Variants in KDM4C observed in about 807,000 individuals in gnomAD.
KDM4C encodes lysine-specific demethylase 4C.
KDM4C carries 81 observed loss-of-function variants against 129.3 expected under a neutral mutation model. The observed-to-expected ratio is 0.63, with a 90% CI of 0.52 to 0.75. The LOEUF is 0.75. Ranked by LOEUF, KDM4C falls within the 30% of genes least tolerant of loss-of-function variation. The pLI, the probability that KDM4C is intolerant of heterozygous loss-of-function variation, is 0.00. For synonymous variants in KDM4C, 573 were observed against 456.1 expected (o/e 1.26, Z -3.26); for missense variants, 1,457 against 1,304.0 (o/e 1.12, Z -1.81).
intron 2 of KDM4C, among the ~76,000 whole-genome samples, chr9:6,795,134 C>G (rs1423323520): frequency 2.0e-5 from 3 of 152,122 alleles, no homozygotes; most frequent in South Asian, 4.1e-4. Context: ...GTAAAGGGTT[C>G]TCCTTGAAAT....
chr9:7,054,670 A>T (rs1830632904), intron 17 of KDM4C, among the ~76,000 whole-genome samples: 1 of 152,182 alleles, frequency 6.6e-6, no homozygotes, highest in Non-Finnish European at 1.5e-5. Context: ...AGAAGTATGG[A>T]TTTCTGGTAG....
At chr9:7,099,940 T>C (rs1027943899) in intron 17 of KDM4C, among the ~76,000 whole-genome samples, 1 of 152,028 alleles carries the variant, frequency 6.6e-6, no homozygotes, top group Non-Finnish European at 1.5e-5. Context: ...TTAATATATA[T>C]TTTTATACAG....
intron 1 of KDM4C, among the ~76,000 whole-genome samples, chr9:6,765,040 C>T (rs974805511): frequency 9.9e-5 from 15 of 152,242 alleles, no homozygotes; most frequent in African/African-American, 2.6e-4. Context: ...GGGATCAATC[C>T]GCTTGTCTCC....
At chr9:7,121,674 A>G (rs1437774179) in intron 18 of KDM4C, among the ~76,000 whole-genome samples, 1 of 152,146 alleles carries the variant, frequency 6.6e-6, no homozygotes, top group African/African-American at 2.4e-5. Context: ...CTGCATTTTT[A>G]TCACCAGACA....
chr9:6,930,774 T>C (rs60173310), intron 8 of KDM4C, among the ~76,000 whole-genome samples: 37,541 of 149,632 alleles, frequency 0.25, 5,233 homozygotes, highest in South Asian at 0.39. Flanking sequence ...TCATGTATCA[T>C]TCTTTCATAC....
intron 5 of KDM4C, among the ~76,000 whole-genome samples, chr9:6,876,955 C>T (rs1456771488): frequency 1.3e-5 from 2 of 152,112 alleles, no homozygotes; most frequent in African/African-American, 4.8e-5. Context: ...GAGTCAGGAC[C>T]AAGCAGAGGT....
intron 8 of KDM4C, among the ~76,000 whole-genome samples, chr9:6,903,994 C>CT (rs1817853192): frequency 1.3e-5 from 2 of 152,158 alleles, no homozygotes; most frequent in Admixed American, 6.6e-5. Context: ...AATCCCAGCA[C>CT]TTTGAGAGGC....
In KDM4C at chr9:6,860,826, T is replaced by C. The variant is rs555555633; in HGVS notation, c.629+11126T>C. Among the ~76,000 whole-genome samples the C allele has an allele frequency of 5.3e-5, 8 of 152,328 alleles. No homozygotes were observed. In the East Asian group the frequency reaches 1.5e-3, roughly 29 times the overall value. On this transcript the variant is annotated intron_variant, in intron 5 of 21. Transcript: ENST00000381309. ...GATCTCAACATTGTGTTTCTCTAGA[T>C]TGAGAATACTTTTTTGAGATTGTCT...
chr9:6,790,713 G>C (rs1024343219), intron 1 of KDM4C, among the ~76,000 whole-genome samples: 3 of 140,118 alleles, frequency 2.1e-5, no homozygotes, highest in African/African-American at 5.3e-5. Context: ...AGGATTTGTT[G>C]TTTGTGCTGT....
At chr9:7,039,490 C>G (rs2132453259) in intron 15 of KDM4C, among the ~76,000 whole-genome samples, 2 of 152,002 alleles carry the variant, frequency 1.3e-5, no homozygotes, top group Middle Eastern at 3.4e-3. Context: ...TAAAATACAG[C>G]TGACCCTTGA....
At chr9:7,168,243 A>AT (rs1236574274) in intron 20 of KDM4C, among the ~76,000 whole-genome samples, 28 of 150,570 alleles carry the variant, frequency 1.9e-4, no homozygotes, top group South Asian at 6.3e-4. Flanking sequence ...CAAACTCTAG[A>AT]TTTTTTTTTT....
intron 9 of KDM4C, among the ~76,000 whole-genome samples, chr9:6,981,514 C>T (rs890551125): frequency 1.3e-5 from 2 of 152,088 alleles, no homozygotes; most frequent in Non-Finnish European, 1.5e-5. Context: ...TTCATTTGTC[C>T]AACATCTGAG....
rs1375944424 is a variant in KDM4C at position 6,849,479 on chromosome 9, CTCTCTCTTTTTT to C, written c.436-20_436-9del. On this transcript the variant is annotated splice_polypyrimidine_tract_variant and intron_variant, in intron 4 of 21. Coordinates refer to ENST00000381309, the MANE Select transcript of KDM4C (RefSeq NM_015061.6). ...TTCATGGTTTAGTAAGATTTGATTTCTCTCTCTTTTTTTCTCTCTCATTCCAGGGTGTGGATG... is the reference window on the plus strand; with the variant it reads ...TTCATGGTTTAGTAAGATTTGATTTCTCTCTCTCATTCCAGGGTGTGGATG... 7 of 1,493,868 alleles carry C rather than the reference CTCTCTCTTTTTT, an allele frequency of 4.7e-6. No homozygotes were observed. Among genetic ancestry groups the C allele is most frequent in the Non-Finnish European group, 6.3e-6 (7 of 1,110,378 alleles). 92.5% of individuals were successfully genotyped at this position (1,493,868 alleles called of 1,614,324 possible). A position where few individuals can be genotyped will look rare whatever the true frequency, so the allele number is the denominator to read the frequency against.
At chr9:6,767,975 T>C (rs1238370274) in intron 1 of KDM4C, among the ~76,000 whole-genome samples, 1 of 152,164 alleles carries the variant, frequency 6.6e-6, no homozygotes, top group African/African-American at 2.4e-5. Context: ...TTTAGTATTT[T>C]CAAATAGGCA....
chr9:7,136,157 A>G (rs537724958), intron 19 of KDM4C, among the ~76,000 whole-genome samples: 3 of 152,310 alleles, frequency 2.0e-5, no homozygotes, highest in South Asian at 4.1e-4. Context: ...GACGCTTTGC[A>G]ATGTTTACTC....
intron 12 of KDM4C, among the ~76,000 whole-genome samples, chr9:7,003,187 C>G (rs1304546851): frequency 6.6e-6 from 1 of 152,148 alleles, no homozygotes; most frequent in Non-Finnish European, 1.5e-5. Flanking sequence ...CACTAACAAC[C>G]TCCCAAAATA....
chr9:7,046,763 T>G (rs575363108), intron 15 of KDM4C, 99 bp from the exon 16 acceptor site: 2 of 876,830 alleles, frequency 2.3e-6, no homozygotes, highest in African/African-American at 3.3e-5. Flanking sequence ...GTTTTAATTT[T>G]AGAATGAAAA....
intron 1 of KDM4C, among the ~76,000 whole-genome samples, chr9:6,741,471 G>C (rs74955592): frequency 0.1 from 15,187 of 152,034 alleles, 811 homozygotes; most frequent in Non-Finnish European, 0.12. Flanking sequence ...ATTTACTCGG[G>C]TATTTAGCCT....
intron 1 of KDM4C, chr9:6,727,315 G>A (rs536942797): frequency 6.6e-6 from 1 of 151,860 alleles, no homozygotes; most frequent in African/African-American, 2.4e-5. Context: ...GCCAGGTGTG[G>A]TGGTGGGCTC....
Sources: gnomAD v4.1 joint callset for allele counts (sites outside exome capture counted in the v4.1 genomes callset) on GRCh38, gnomAD v4.1.1 for gene constraint, MANE v1.5 for transcripts, NCBI Gene and HGNC (gene_info 2026-07-23, HGNC 2026-07-21) for gene names.